The following MALRD1 variants were observed in gnomAD, a reference collection of about 807,000 sequenced individuals.
MALRD1 encodes the protein MAM and LDL-receptor class A domain-containing protein 1.
MALRD1 carries 247 observed loss-of-function variants against 242.1 expected under a neutral mutation model. The observed-to-expected ratio is 1.02, with a 90% CI of 0.92 to 1.13. The LOEUF is 1.13. Ranked by LOEUF, MALRD1 falls within the 50% of genes most tolerant of loss-of-function variation. MALRD1 has a pLI of 0.00. For missense variants in MALRD1, 2,989 were observed against 2,533.1 expected, an observed-to-expected ratio of 1.18 and a Z score of -3.86; for synonymous variants, 995 against 866.6, an observed-to-expected ratio of 1.15 and a Z score of -2.60.
intron 5 of MALRD1, among the ~76,000 whole-genome samples, chr10:19,113,055 A>C (rs1836735478): frequency 6.6e-6 from 1 of 151,702 alleles, no homozygotes; most frequent in Non-Finnish European, 1.5e-5. Context: ...TATTTATCCA[A>C]CCCTGACTTT....
At chr10:19,551,428 G>A (rs532949599) in intron 32 of MALRD1, among the ~76,000 whole-genome samples, 5 of 152,204 alleles carry the variant, frequency 3.3e-5, no homozygotes, top group South Asian at 2.1e-4. Flanking sequence ...ATATAGGAAC[G>A]CTACTGATTT....
chr10:19,615,400 C>G (rs1190826052), intron 35 of MALRD1, among the ~76,000 whole-genome samples: 2 of 148,630 alleles, frequency 1.3e-5, no homozygotes, highest in African/African-American at 2.5e-5. Context: ...CCCCTGTGGC[C>G]CCAGCTATTC....
chr10:19,576,499 T>C (rs1300685123), intron 33 of MALRD1, among the ~76,000 whole-genome samples: 1 of 152,122 alleles, frequency 6.6e-6, no homozygotes, highest in African/African-American at 2.4e-5. Flanking sequence ...ATAGAGCAAA[T>C]GGAAGGGAAA....
intron 1 of MALRD1, among the ~76,000 whole-genome samples, chr10:19,053,641 A>G (rs1410455841): frequency 6.6e-6 from 1 of 152,146 alleles, no homozygotes; most frequent in African/African-American, 2.4e-5. Flanking sequence ...TTGAAGCAGC[A>G]ACTATCAAGT....
At chr10:19,536,975 A>AG (rs1290355557) in intron 32 of MALRD1, among the ~76,000 whole-genome samples, 5 of 152,200 alleles carry the variant, frequency 3.3e-5, no homozygotes, top group Non-Finnish European at 5.9e-5. Context: ...AAGAGCAAGA[A>AG]GGAGCCAGCC....
Position 19,389,609 on chromosome 10 carries a change from G to A in MALRD1, c.4845G>A (p.Lys1615=). ...CAGGATCCATTCAGATTCTCATCAAGGTAGGAACATGGCCTGTGATGCCTC... is the reference window on the plus strand; with the variant it reads ...CAGGATCCATTCAGATTCTCATCAAAGTAGGAACATGGCCTGTGATGCCTC... ...KATGSIQILI[K]TEKGLSKVWQ... The change falls in exon 28 of 40, where the codon AAG becomes AAA. Residue 1615 remains lysine, a splice_region_variant and synonymous_variant. Coordinates refer to ENST00000454679, the MANE Select transcript of MALRD1 (RefSeq NM_001142308.3). 6.5e-7 allele frequency: 1 copy of A among 1,549,240 alleles called. No individual in the cohort carries two copies. Among genetic ancestry groups the A allele is most frequent in the Non-Finnish European group, 8.7e-7 (1 of 1,146,406 alleles).
At chr10:19,271,073 C>T (rs1238552427) in intron 19 of MALRD1, among the ~76,000 whole-genome samples, 2 of 152,080 alleles carry the variant, frequency 1.3e-5, no homozygotes, top group African/African-American at 4.8e-5. Flanking sequence ...ACTGGTTTGG[C>T]ATTATCTCCT....
chr10:19,231,873 C>G (rs184367301), intron 18 of MALRD1, among the ~76,000 whole-genome samples: 4 of 151,762 alleles, frequency 2.6e-5, no homozygotes. Context: ...TCTACTAAAA[C>G]TTGACTCATA....
intron 30 of MALRD1, 88 bp from the exon 31 acceptor site, chr10:19,498,397 A>T (rs1837818459): frequency 8.8e-7 from 1 of 1,133,518 alleles, no homozygotes; most frequent in Non-Finnish European, 1.2e-6. Flanking sequence ...GAATATGCAG[A>T]TACTAATTTT....
intron 8 of MALRD1, among the ~76,000 whole-genome samples, chr10:19,133,154 G>A (rs1237234653): frequency 6.6e-6 from 1 of 152,054 alleles, no homozygotes; most frequent in Non-Finnish European, 1.5e-5. Context: ...CTTTTATTGA[G>A]TTTCTTACAT....
chr10:19,724,536 C>T (rs71497288), intron 38 of MALRD1, among the ~76,000 whole-genome samples: 5,782 of 152,206 alleles, frequency 0.038, 165 homozygotes, highest in Middle Eastern at 0.061. Context: ...TCCTTTCAAC[C>T]CAGATAAAGG....
intron 28 of MALRD1, among the ~76,000 whole-genome samples, chr10:19,407,737 A>C (rs1660689875): frequency 6.6e-6 from 1 of 152,222 alleles, no homozygotes; most frequent in African/African-American, 2.4e-5. Flanking sequence ...TTAAAAATTT[A>C]GTATACTTTT....
chr10:19,490,767 T>C (rs1052940914), intron 29 of MALRD1, among the ~76,000 whole-genome samples: 22 of 152,334 alleles, frequency 1.4e-4, no homozygotes, highest in Admixed American at 4.6e-4. Context: ...TGCCAATTAA[T>C]TTTCTGACAA....
chr10:19,218,660 G>T (rs1274986640), intron 18 of MALRD1, among the ~76,000 whole-genome samples: 1 of 152,218 alleles, frequency 6.6e-6, no homozygotes, highest in African/African-American at 2.4e-5. Flanking sequence ...TACAGGTAGA[G>T]AAATTAGAGT....
rs139653768 is a variant in MALRD1 at position 19,432,805 on chromosome 10, A to G, written c.4846-17502A>G. On this transcript the variant is annotated intron_variant, in intron 28 of 39. Coordinates refer to ENST00000454679, the MANE Select transcript of MALRD1 (RefSeq NM_001142308.3). Reference sequence around the variant, plus strand: ...TAAATATTGCTTTTCTGTAATTCCAATGATTGCATTCCTGATATGTTTTCT... The same window carrying G: ...TAAATATTGCTTTTCTGTAATTCCAGTGATTGCATTCCTGATATGTTTTCT... Among the ~76,000 whole-genome samples, 343 of 152,342 alleles carry G rather than the reference A, an allele frequency of 2.3e-3. 1 individual carries two copies. The highest frequency in any genetic ancestry group is 7.8e-3 in the African/African-American group (323 of 41,588).
intron 28 of MALRD1, among the ~76,000 whole-genome samples, chr10:19,436,017 T>G (rs892829565): frequency 6.6e-6 from 1 of 152,152 alleles, no homozygotes; most frequent in African/African-American, 2.4e-5. Flanking sequence ...TGTTCCAGCT[T>G]TGGGCACAGC....
chr10:19,511,065 A>T (rs544907879), intron 31 of MALRD1, among the ~76,000 whole-genome samples: 1 of 152,344 alleles, frequency 6.6e-6, no homozygotes, highest in Non-Finnish European at 1.5e-5. Flanking sequence ...ATAGTCAGCT[A>T]TATCAGTTAG....
chr10:19,724,641 C>T (rs774231999), intron 38 of MALRD1, among the ~76,000 whole-genome samples: 5 of 152,178 alleles, frequency 3.3e-5, no homozygotes, highest in Admixed American at 6.5e-5. Context: ...TTTTCCTATA[C>T]ACTAGCTTTA....
chr10:19,267,344 C>T (rs927001270), intron 19 of MALRD1, among the ~76,000 whole-genome samples: 8 of 151,940 alleles, frequency 5.3e-5, no homozygotes, highest in Non-Finnish European at 1.5e-5. Context: ...ACTGATGATG[C>T]CTTCAAATTG....
Sources: allele counts gnomAD v4.1 joint callset (sites outside exome capture counted in the v4.1 genomes callset), GRCh38; gene constraint gnomAD v4.1.1; transcripts MANE v1.5; gene names NCBI Gene and HGNC (gene_info 2026-07-23, HGNC 2026-07-21).